AMBRA1: variants seen among roughly 807,000 people sequenced by gnomAD.
AMBRA1 encodes the protein activating molecule in BECN1-regulated autophagy protein 1.
In AMBRA1, 47 loss-of-function variants were observed where a neutral mutation model predicts 125.4. That is an observed-to-expected ratio of 0.37 (90% CI 0.30 to 0.48). The LOEUF (loss-of-function observed/expected upper bound fraction) is 0.48. Among genes scored for constraint, AMBRA1 ranks in the 20% least tolerant of loss-of-function variants. The pLI, the probability that AMBRA1 is intolerant of heterozygous loss-of-function variation, is 0.99. For synonymous variants in AMBRA1, 626 were observed against 655.5 expected, an observed-to-expected ratio of 0.95 and a Z score of 0.69; for missense variants, 1,331 against 1,693.4, an observed-to-expected ratio of 0.79 and a Z score of 3.76.
chr11:46,557,049 T>C (rs1251162961), intron 1 of AMBRA1, among the ~76,000 whole-genome samples: 1 of 150,802 alleles, frequency 6.6e-6, no homozygotes, highest in East Asian at 2.0e-4. Context: ...GGCAGGAGAA[T>C]CCCTTGAACC....
chr11:46,528,362 A>ATTT (rs1952072204), intron 7 of AMBRA1, among the ~76,000 whole-genome samples: 3 of 152,042 alleles, frequency 2.0e-5, no homozygotes, highest in African/African-American at 7.2e-5. Flanking sequence ...GTACAAATGG[A>ATTT]GTTTCACCAT....
chr11:46,496,329 C>G (rs925134570), intron 9 of AMBRA1, among the ~76,000 whole-genome samples: 2 of 152,152 alleles, frequency 1.3e-5, no homozygotes, highest in Non-Finnish European at 2.9e-5. Flanking sequence ...TTGCAGTGAG[C>G]TGAAATTGCG....
intron 11 of AMBRA1, among the ~76,000 whole-genome samples, chr11:46,450,941 G>A (rs1419713850): frequency 6.6e-6 from 1 of 152,178 alleles, no homozygotes; most frequent in African/African-American, 2.4e-5. Context: ...GTGGACAGTG[G>A]GGAAGCCTGT....
In AMBRA1 at chr11:46,585,695, AATATATATATATATATATATATAT is replaced by A. The variant is rs1555017409; in HGVS notation, c.-121+8109_-121+8132del. ...AAAAAAAAAAAAAAAAAAAAAAAAA[AATATATATATATATATATATATAT>A]ATATTCCTAGCTTCCCAAATTGCTG... On this transcript the variant is annotated intron_variant, in intron 1 of 17. Transcript: ENST00000683756. Among the ~76,000 whole-genome samples the A allele has an allele frequency of 1.8e-3, 41 of 22,912 alleles. 2 individuals carry two copies. The highest frequency in any genetic ancestry group is 2.9e-3 in the Non-Finnish European group (36 of 12,532). The allele number at this position is 22,912 out of a possible 152,430, so 15.0% of individuals were successfully genotyped here. A position where few individuals can be genotyped will look rare whatever the true frequency, so the allele number is the denominator to read the frequency against.
At chr11:46,481,997 G>A (rs1401390637) in intron 11 of AMBRA1, among the ~76,000 whole-genome samples, 1 of 152,174 alleles carries the variant, frequency 6.6e-6, no homozygotes, top group Non-Finnish European at 1.5e-5. Flanking sequence ...AAGTCCTCAC[G>A]TTTTGCAAGT....
intron 17 of AMBRA1, among the ~76,000 whole-genome samples, chr11:46,399,928 G>GCT (rs10680247): frequency 0.33 from 50,052 of 152,038 alleles, 13,887 homozygotes; most frequent in African/African-American, 0.76. Flanking sequence ...TCAAATCTCA[G>GCT]CTGTCACTTG....
At chr11:46,492,305 G>T (rs760093445) in intron 11 of AMBRA1, among the ~76,000 whole-genome samples, 3 of 152,190 alleles carry the variant, frequency 2.0e-5, no homozygotes, top group Non-Finnish European at 2.9e-5. Context: ...TACTATTTAG[G>T]AAAGGCCAGA....
At chr11:46,516,360 T>C (rs903656090) in intron 7 of AMBRA1, among the ~76,000 whole-genome samples, 2 of 151,248 alleles carry the variant, frequency 1.3e-5, no homozygotes, top group Non-Finnish European at 2.9e-5. Flanking sequence ...CTAGAGTTAC[T>C]AGATGAGTAA....
At chr11:46,466,899 T>C (rs12799895) in intron 11 of AMBRA1, among the ~76,000 whole-genome samples, 6 of 142,782 alleles carry the variant, frequency 4.2e-5, no homozygotes, top group Middle Eastern at 7.2e-3. Context: ...ATTACTAATG[T>C]TTCTTTTTTT....
intron 1 of AMBRA1, among the ~76,000 whole-genome samples, chr11:46,572,028 C>T (rs997102178): frequency 1.3e-4 from 20 of 152,072 alleles, no homozygotes; most frequent in African/African-American, 4.3e-4. Context: ...CACAGCCAGG[C>T]GTGGTAGCTC....
chr11:46,495,531 A>G (rs2134984156), intron 9 of AMBRA1: 1 of 152,356 alleles, frequency 6.6e-6, no homozygotes, highest in East Asian at 1.9e-4. Flanking sequence ...GTTCCTTAAC[A>G]TATCTTATTC....
At chr11:46,516,317 A>T (rs1195724701) in intron 7 of AMBRA1, among the ~76,000 whole-genome samples, 1 of 152,106 alleles carries the variant, frequency 6.6e-6, no homozygotes, top group East Asian at 1.9e-4. Context: ...CTGGAGTAAA[A>T]ATAGGCTTCT....
At chr11:46,432,988 TTC>T (rs1219309328) in intron 14 of AMBRA1, among the ~76,000 whole-genome samples, 3 of 152,218 alleles carry the variant, frequency 2.0e-5, no homozygotes, top group African/African-American at 4.8e-5. Flanking sequence ...ACAGGACCTT[TTC>T]TCCACTGGTG....
At chr11:46,574,750 T>C (rs1168082566) in intron 1 of AMBRA1, among the ~76,000 whole-genome samples, 2 of 152,230 alleles carry the variant, frequency 1.3e-5, no homozygotes, top group Non-Finnish European at 2.9e-5. Context: ...AAGAATACTT[T>C]GAAAAATACT....
chr11:46,581,106 T>A (rs746546959), intron 1 of AMBRA1, among the ~76,000 whole-genome samples: 7 of 151,954 alleles, frequency 4.6e-5, no homozygotes, highest in Non-Finnish European at 1.0e-4. Flanking sequence ...AGAGTAACGT[T>A]TTAAAATCAT....
intron 11 of AMBRA1, among the ~76,000 whole-genome samples, chr11:46,445,569 T>C (rs1256219175): frequency 1.3e-5 from 2 of 152,230 alleles, no homozygotes; most frequent in Admixed American, 1.3e-4. Flanking sequence ...ACTTTCTTGA[T>C]TTTTCTATGC....
At chr11:46,428,737 C>G in intron 14 of AMBRA1, 1 of 1,609,708 alleles carries the variant, frequency 6.2e-7, no homozygotes, top group East Asian at 2.2e-5. Flanking sequence ...CCTCGGCTTT[C>G]TTGTCGGCAC....
intron 7 of AMBRA1, among the ~76,000 whole-genome samples, chr11:46,523,436 C>T (rs1951839824): frequency 6.6e-6 from 1 of 152,146 alleles, no homozygotes; most frequent in Admixed American, 6.5e-5. Context: ...ACTCTCCTCC[C>T]CCGTTCCCAA....
At chr11:46,455,122 A>T (rs1211096545) in intron 11 of AMBRA1, among the ~76,000 whole-genome samples, 4 of 152,166 alleles carry the variant, frequency 2.6e-5, no homozygotes, top group Non-Finnish European at 4.4e-5. Flanking sequence ...TCTGGCCTCA[A>T]ATGATTCTCC....
Sources: gnomAD v4.1 joint callset for allele counts (sites outside exome capture counted in the v4.1 genomes callset) on GRCh38, gnomAD v4.1.1 for gene constraint, MANE v1.5 for transcripts, NCBI Gene and HGNC (gene_info 2026-07-23, HGNC 2026-07-21) for gene names.